The following ITSN1 variants were observed in gnomAD, a reference collection of about 807,000 sequenced individuals.
ITSN1 encodes intersectin-1.
In ITSN1, 58 loss-of-function variants were observed where a neutral mutation model predicts 239.8. The observed-to-expected ratio is 0.24, with a 90% CI of 0.20 to 0.30. ITSN1 has a LOEUF of 0.30. ITSN1 is among the 10% of genes least tolerant of loss of function. The pLI is 1.00. For synonymous variants in ITSN1, 780 were observed against 770.8 expected, an observed-to-expected ratio of 1.01 and a Z score of -0.20; for missense variants, 1,558 against 2,103.3, an observed-to-expected ratio of 0.74 and a Z score of 5.07.
At chr21:33,721,845 A>G (rs1053656157) in intron 3 of ITSN1, 1 of 151,996 alleles carries the variant, frequency 6.6e-6, no homozygotes, top group East Asian at 1.9e-4. Flanking sequence ...AATTCACTTT[A>G]TAAAAAGTGG....
chr21:33,809,154 A>G (rs2072704937), intron 20 of ITSN1, among the ~76,000 whole-genome samples: 2 of 152,236 alleles, frequency 1.3e-5, no homozygotes, highest in Admixed American at 1.3e-4. Flanking sequence ...GTAAGAACAA[A>G]ACAATGACTG....
chr21:33,663,856 C>T (rs1461413849), intron 1 of ITSN1, among the ~76,000 whole-genome samples: 1 of 152,204 alleles, frequency 6.6e-6, no homozygotes. Context: ...CCACCTCGGC[C>T]TCCCAAAGTG....
intron 1 of ITSN1, among the ~76,000 whole-genome samples, chr21:33,694,768 G>A (rs1450950170): frequency 4.6e-5 from 7 of 152,066 alleles, no homozygotes; most frequent in African/African-American, 9.7e-5. Flanking sequence ...GCAGTGAGCC[G>A]ATATCACACC....
At chr21:33,752,821 G>A (rs2067647440) in intron 7 of ITSN1, among the ~76,000 whole-genome samples, 1 of 134,228 alleles carries the variant, frequency 7.5e-6, no homozygotes, top group Admixed American at 7.2e-5. Context: ...GGGTGAGCCT[G>A]CCTAAAAAAA....
intron 16 of ITSN1, among the ~76,000 whole-genome samples, chr21:33,783,748 T>C (rs2070397172): frequency 6.6e-6 from 1 of 152,156 alleles, no homozygotes; most frequent in South Asian, 2.1e-4. Flanking sequence ...TAATAGTCTC[T>C]TGGGATATAA....
At chr21:33,646,103 T>G (rs2087918292) in intron 1 of ITSN1, among the ~76,000 whole-genome samples, 1 of 152,212 alleles carries the variant, frequency 6.6e-6, no homozygotes, top group African/African-American at 2.4e-5. Flanking sequence ...TATCAGTTAG[T>G]GGCATATTAA....
At chr21:33,686,695 A>G (rs919855962) in intron 1 of ITSN1, among the ~76,000 whole-genome samples, 1 of 152,114 alleles carries the variant, frequency 6.6e-6, no homozygotes, top group African/African-American at 2.4e-5. Flanking sequence ...TATATATCAC[A>G]TTTCAAGATG....
At chr21:33,814,186 G>T (rs1362819447) in intron 22 of ITSN1, 114 bp downstream of exon 22, 29 of 1,169,752 alleles carry the variant, frequency 2.5e-5, no homozygotes, top group Non-Finnish European at 3.2e-5. Flanking sequence ...GTGTGTCTTG[G>T]TTGGCTGGCA....
intron 12 of ITSN1, 25 bp from the exon 13 acceptor site, chr21:33,774,704 T>C (rs769639304): frequency 1.2e-6 from 2 of 1,601,594 alleles, no homozygotes; most frequent in South Asian, 2.3e-5. Flanking sequence ...GAAAAATTAG[T>C]AATTTGTCTC....
At chr21:33,719,271 T>G (rs1177208423) in intron 2 of ITSN1, among the ~76,000 whole-genome samples, 1 of 152,068 alleles carries the variant, frequency 6.6e-6, no homozygotes, top group African/African-American at 2.4e-5. Flanking sequence ...TGAAACCCTG[T>G]CTCTATGAAA....
intron 8 of ITSN1, 29 bp downstream of exon 8, chr21:33,755,426 T>A: frequency 8.1e-7 from 1 of 1,235,954 alleles, no homozygotes; most frequent in Non-Finnish European, 1.2e-6. Context: ...TAGTGAAATA[T>A]GATCTTTGTT....
At position 33,794,426 on chromosome 21, in the gene ITSN1, G is replaced by A. The variant is rs1248248548; in HGVS notation, c.1910G>A (p.Arg637Gln). ...AERLKQKEQE[R>Q]KIIELEKQKE... ...CGACTGAAACAGAAAGAACAAGAACGAAAGATCATAGAATTAGAAAAACAA... is the reference window on the plus strand; with the variant it reads ...CGACTGAAACAGAAAGAACAAGAACAAAAGATCATAGAATTAGAAAAACAA... The change falls in exon 17 of 40, where the codon CGA becomes CAA. Residue 637 changes from arginine to glutamine, a missense_variant. Coordinates refer to ENST00000381318, the MANE Select transcript of ITSN1 (RefSeq NM_003024.3). 11 of 1,613,482 alleles carry A rather than the reference G, an allele frequency of 6.8e-6. 1 individual carries two copies. The highest frequency in any genetic ancestry group is 4.5e-5 in the East Asian group (2 of 44,862).
In ITSN1 at chr21:33,895,533, GTC is replaced by G. The variant is rs1986686593; in HGVS notation, c.*7235_*7236del. 1 of 147,316 alleles carries G rather than the reference GTC, an allele frequency of 6.8e-6. No individual in the cohort carries two copies. 9.1% of individuals were successfully genotyped at this position (147,316 alleles called of 1,614,324 possible). A position where few individuals can be genotyped will look rare whatever the true frequency, so the allele number is the denominator to read the frequency against. On this transcript the variant is annotated 3_prime_UTR_variant, in exon 40 of 40. Coordinates refer to ENST00000381318, the MANE Select transcript of ITSN1 (RefSeq NM_003024.3). ...CGTGTTTGTGTGTGCATGTGTGTGT[GTC>G]TACGTGTGTGTGCACGCATGTGTGT...
rs1332931370 is a variant in ITSN1 at position 33,894,236 on chromosome 21, A to G, written c.*5936A>G. On this transcript the variant is annotated 3_prime_UTR_variant, in exon 40 of 40. Transcript: ENST00000381318. ...TAAAAGAGTTCATATCCACCTCCCA[A>G]TAACTTCTTTAGTTCCATGCAGCCT... 1.3e-5 allele frequency: 2 copies of G among 152,212 alleles called. No homozygotes were observed. Among genetic ancestry groups the G allele is most frequent in the African/African-American group, 4.8e-5 (2 of 41,448 alleles). 9.4% of individuals were successfully genotyped at this position (152,212 alleles called of 1,614,324 possible). A position where few individuals can be genotyped will look rare whatever the true frequency, so the allele number is the denominator to read the frequency against.
At chr21:33,761,125 G>A (rs1398578831) in intron 8 of ITSN1, among the ~76,000 whole-genome samples, 1 of 151,728 alleles carries the variant, frequency 6.6e-6, no homozygotes, top group Non-Finnish European at 1.5e-5. Context: ...GCCCAGGATG[G>A]AGTGCAGTGG....
intron 33 of ITSN1, among the ~76,000 whole-genome samples, chr21:33,871,389 C>T (rs896677497): frequency 6.6e-6 from 1 of 151,646 alleles, no homozygotes; most frequent in Non-Finnish European, 1.5e-5. Flanking sequence ...ATGATTGAGT[C>T]ACTGCACTCC....
At position 33,894,728 on chromosome 21, in the gene ITSN1, CTTTTT is replaced by C. The variant is rs1478882396; in HGVS notation, c.*6430_*6434del. ...TGCTTCTCTTCGCTTTTGCATTTCT[CTTTTT>C]TAACTCAAATCTCTTATTTCCTGCC... On this transcript the variant is annotated 3_prime_UTR_variant, in exon 40 of 40. Coordinates refer to ENST00000381318, the MANE Select transcript of ITSN1 (RefSeq NM_003024.3). 6.6e-6 allele frequency: 1 copy of C among 152,210 alleles called. No individual in the cohort carries two copies. Among genetic ancestry groups the C allele is most frequent in the East Asian group, 1.9e-4 (1 of 5,198 alleles). The allele number at this position is 152,210 out of a possible 1,614,324, so 9.4% of individuals were successfully genotyped here.
chr21:33,648,485 A>G (rs954175684), intron 1 of ITSN1, among the ~76,000 whole-genome samples: 1 of 152,120 alleles, frequency 6.6e-6, no homozygotes, highest in African/African-American at 2.4e-5. Context: ...ATGTACTAAT[A>G]TATAAACTGG....
chr21:33,693,406 G>T (rs1020030955), intron 1 of ITSN1, among the ~76,000 whole-genome samples: 2 of 151,950 alleles, frequency 1.3e-5, no homozygotes, highest in African/African-American at 4.8e-5. Context: ...GTCCAGGCTG[G>T]AGTGCAATGG....
Sources: gnomAD v4.1 joint callset for allele counts (sites outside exome capture counted in the v4.1 genomes callset) on GRCh38, gnomAD v4.1.1 for gene constraint, MANE v1.5 for transcripts, NCBI Gene and HGNC (gene_info 2026-07-23, HGNC 2026-07-21) for gene names.